The following TULP4 variants were observed in gnomAD, a reference collection of about 807,000 sequenced individuals.
The protein encoded by TULP4 is TUB like protein 4, also known as tubby-related protein 4.
TULP4 carries 16 observed loss-of-function variants against 129.0 expected under a neutral mutation model. That is an observed-to-expected ratio of 0.12 (90% confidence interval 0.08 to 0.19). TULP4 has a LOEUF of 0.19. Among genes scored for constraint, TULP4 ranks in the 10% least tolerant of loss-of-function variants. The pLI is 1.00. For missense variants in TULP4, 1,842 were observed against 2,059.1 expected (o/e 0.89, Z 2.04); for synonymous variants, 998 against 854.0 (o/e 1.17, Z -2.94).
At chr6:158,314,733 T>G (rs1779449369) in intron 1 of TULP4, among the ~76,000 whole-genome samples, 1 of 152,228 alleles carries the variant, frequency 6.6e-6, no homozygotes, top group Admixed American at 6.5e-5. Flanking sequence ...TACGTTCCTT[T>G]GGTGATGGCT....
At chr6:158,349,050 T>A (rs866541338) in intron 1 of TULP4, among the ~76,000 whole-genome samples, 22 of 32,684 alleles carry the variant, frequency 6.7e-4, no homozygotes, top group South Asian at 1.0e-3. Context: ...CGCTCCTCAC[T>A]TCCCAGACGG....
At chr6:158,287,573 T>C (rs955812576) in intron 1 of TULP4, among the ~76,000 whole-genome samples, 1 of 152,160 alleles carries the variant, frequency 6.6e-6, no homozygotes, top group Non-Finnish European at 1.5e-5. Context: ...ACTTATAATA[T>C]GGTGTAGAAT....
chr6:158,295,118 G>A (rs1255168221), intron 1 of TULP4, among the ~76,000 whole-genome samples: 2 of 152,040 alleles, frequency 1.3e-5, no homozygotes, highest in Non-Finnish European at 2.9e-5. Context: ...TTTTTGTCTT[G>A]TTTTGTGTTC....
intron 1 of TULP4, among the ~76,000 whole-genome samples, chr6:158,368,137 T>C (rs1776980533): frequency 6.6e-6 from 1 of 151,204 alleles, no homozygotes; most frequent in Non-Finnish European, 1.5e-5. Context: ...CATTTGAGCT[T>C]TCCGTAAATT....
At chr6:158,232,362 C>T (rs1777612071) in intron 1 of TULP4, 1 of 148,448 alleles carries the variant, frequency 6.7e-6, no homozygotes, top group Non-Finnish European at 1.5e-5. Flanking sequence ...GGGCGCCGGC[C>T]CGAGCGTCGT....
chr6:158,427,449 T>A (rs2115051709), intron 2 of TULP4, among the ~76,000 whole-genome samples: 1 of 148,602 alleles, frequency 6.7e-6, no homozygotes, highest in East Asian at 2.0e-4. Flanking sequence ...AATGGACAAA[T>A]TCCTTTTCAA....
intron 1 of TULP4, among the ~76,000 whole-genome samples, chr6:158,243,173 G>A (rs975357324): frequency 5.3e-5 from 8 of 152,080 alleles, no homozygotes; most frequent in Admixed American, 3.3e-4. Flanking sequence ...ATTTTAAAAC[G>A]TTACCAGTTT....
chr6:158,423,235 C>T (rs1449326200), intron 2 of TULP4, among the ~76,000 whole-genome samples: 2 of 152,162 alleles, frequency 1.3e-5, no homozygotes, highest in African/African-American at 4.8e-5. Context: ...TCTTTGCAGC[C>T]TGGGGCTAAA....
chr6:158,358,781 C>T (rs749661249), intron 1 of TULP4, among the ~76,000 whole-genome samples: 6 of 152,184 alleles, frequency 3.9e-5, no homozygotes, highest in African/African-American at 7.2e-5. Context: ...TCAGAGAACC[C>T]ATTTCAAAAG....
chr6:158,377,466 T>C (rs1175773127), intron 1 of TULP4, among the ~76,000 whole-genome samples: 1 of 152,248 alleles, frequency 6.6e-6, no homozygotes, highest in Non-Finnish European at 1.5e-5. Context: ...AGTTTAAAGG[T>C]AATCCATTTT....
intron 1 of TULP4, among the ~76,000 whole-genome samples, chr6:158,259,800 C>T (rs534549714): frequency 6.6e-6 from 1 of 152,324 alleles, no homozygotes; most frequent in South Asian, 2.1e-4. Flanking sequence ...TTTGCTAAAA[C>T]AACTCACTAA....
chr6:158,457,954 T>A (rs1201937047), intron 5 of TULP4, among the ~76,000 whole-genome samples: 1 of 152,078 alleles, frequency 6.6e-6, no homozygotes, highest in African/African-American at 2.4e-5. Flanking sequence ...TATTTTATCA[T>A]CACACACTTT....
intron 2 of TULP4, among the ~76,000 whole-genome samples, chr6:158,418,907 C>T (rs1371697574): frequency 6.6e-6 from 1 of 152,144 alleles, no homozygotes; most frequent in African/African-American, 2.4e-5. Context: ...AAGGAGATTT[C>T]CCAAAATAGT....
intron 1 of TULP4, among the ~76,000 whole-genome samples, chr6:158,250,283 G>A (rs548450626): frequency 2.0e-5 from 3 of 151,752 alleles, no homozygotes; most frequent in Non-Finnish European, 2.9e-5. Context: ...TCAGCCTCCC[G>A]AGCAGCTGGG....
chr6:158,395,722 GT>G (rs1197316429), intron 1 of TULP4, among the ~76,000 whole-genome samples: 1 of 150,398 alleles, frequency 6.6e-6, no homozygotes, highest in Non-Finnish European at 1.5e-5. Context: ...CACTGTTTCT[GT>G]TGTGGAAGCC....
In TULP4 at chr6:158,410,298, G is replaced by A. The variant is rs989991137; in HGVS notation, c.253-2767G>A. 5.9e-5 allele frequency among the ~76,000 whole-genome samples: 9 copies of A among 152,220 alleles called. No homozygotes were observed. The South Asian group carries it at 1.2e-3, about 21-fold the overall frequency. On this transcript the variant is annotated intron_variant, in intron 1 of 13. Coordinates refer to ENST00000367097, the MANE Select transcript of TULP4 (RefSeq NM_020245.5). Reference sequence around the variant, plus strand: ...AAATATGTTTTGCCTCCACTCTTTTGTGTTTGTGTCATGCTGTGACTGTGC... The same window carrying A: ...AAATATGTTTTGCCTCCACTCTTTTATGTTTGTGTCATGCTGTGACTGTGC...
At chr6:158,389,594 C>A (rs1228767493) in intron 1 of TULP4, among the ~76,000 whole-genome samples, 1 of 151,960 alleles carries the variant, frequency 6.6e-6, no homozygotes, top group South Asian at 2.1e-4. Flanking sequence ...AAGTGGATTT[C>A]AGGATTTTGT....
At chr6:158,468,613 G>A (rs903944598) in intron 6 of TULP4, among the ~76,000 whole-genome samples, 17 of 152,222 alleles carry the variant, frequency 1.1e-4, no homozygotes, top group African/African-American at 4.1e-4. Flanking sequence ...CATAGTTTAT[G>A]TAAGGGACAA....
At chr6:158,239,056 G>T (rs1336441154) in intron 1 of TULP4, among the ~76,000 whole-genome samples, 2 of 121,760 alleles carry the variant, frequency 1.6e-5, no homozygotes, top group African/African-American at 2.8e-5. Context: ...CGGGCGGGGG[G>T]CTGACCCCCC....
Sources: gnomAD v4.1 joint callset for allele counts (sites outside exome capture counted in the v4.1 genomes callset) on GRCh38, gnomAD v4.1.1 for gene constraint, MANE v1.5 for transcripts, NCBI Gene and HGNC (gene_info 2026-07-23, HGNC 2026-07-21) for gene names.